GLP1R: variants seen among roughly 807,000 people sequenced by gnomAD.
The protein encoded by GLP1R is glucagon-like peptide 1 receptor.
Under a neutral mutation model 68.4 loss-of-function variants are expected in GLP1R, and 32 were observed. That is an observed-to-expected ratio of 0.47 (90% CI 0.35 to 0.63). GLP1R has a LOEUF of 0.63. GLP1R is among the 20% of genes least tolerant of loss of function. The pLI, the probability that GLP1R is intolerant of heterozygous loss-of-function variation, is 0.00. For missense variants in GLP1R, 502 were observed against 594.9 expected, an observed-to-expected ratio of 0.84 and a Z score of 1.62; for synonymous variants, 263 against 244.4, an observed-to-expected ratio of 1.08 and a Z score of -0.71.
At chr6:39,083,043 G>A (rs1345359570) in intron 12 of GLP1R, among the ~76,000 whole-genome samples, 1 of 152,108 alleles carries the variant, frequency 6.6e-6, no homozygotes, top group African/African-American at 2.4e-5. Context: ...ACCACCTATG[G>A]CTGGCCCACC....
At chr6:39,070,301 C>A (rs1208890763) in intron 5 of GLP1R, among the ~76,000 whole-genome samples, 2 of 152,242 alleles carry the variant, frequency 1.3e-5, no homozygotes, top group Non-Finnish European at 2.9e-5. Context: ...TTGACACGAG[C>A]AGTCCTGTTT....
At chr6:39,073,894 C>T (rs1768742100) in intron 7 of GLP1R, 125 bp downstream of exon 7, 2 of 808,598 alleles carry the variant, frequency 2.5e-6, no homozygotes, top group Admixed American at 2.2e-5. Flanking sequence ...TAACCCTCTT[C>T]CTGGGCACAG....
At position 39,073,789 on chromosome 6, in the gene GLP1R, A is replaced by T. The variant is rs1256933271; in HGVS notation, c.823+20A>T. 3.1e-6 allele frequency: 5 copies of T among 1,610,680 alleles called. No homozygotes were observed. The highest frequency in any genetic ancestry group is 4.2e-6 in the Non-Finnish European group (5 of 1,177,816). On this transcript the variant is annotated intron_variant, in intron 7 of 12. Coordinates refer to ENST00000373256, the MANE Select transcript of GLP1R (RefSeq NM_002062.5). ...GCTGGGGTAAGAACCGCCATCACCC[A>T]CCCTGGACCTGTGGCACGGGGGTGG...
chr6:39,064,270 G>T (rs1474342860), intron 3 of GLP1R, among the ~76,000 whole-genome samples: 1 of 152,050 alleles, frequency 6.6e-6, no homozygotes, highest in Non-Finnish European at 1.5e-5. Flanking sequence ...CTCCCAGAGT[G>T]CTAGGATTAC....
chr6:39,078,691 A>C (rs982837541), intron 8 of GLP1R, among the ~76,000 whole-genome samples: 2 of 152,122 alleles, frequency 1.3e-5, no homozygotes, highest in African/African-American at 4.8e-5. Context: ...TACACACATG[A>C]CTGTGTTGGT....
chr6:39,056,936 T>C (rs1768227969), intron 2 of GLP1R, among the ~76,000 whole-genome samples: 1 of 152,164 alleles, frequency 6.6e-6, no homozygotes, highest in Admixed American at 6.5e-5. Flanking sequence ...GACTGAGGGC[T>C]CCACAAACAT....
At chr6:39,080,801 T>TCCCCATTGTACTACTCCAG in intron 12 of GLP1R, 62 bp downstream of exon 12, 1 of 1,028,696 alleles carries the variant, frequency 9.7e-7, no homozygotes, top group Middle Eastern at 2.3e-4. Context: ...CCGTCTGGAG[T>TCCCCATTGTACTACTCCAG]AGTACAATGG....
Position 39,079,643 on chromosome 6 carries a change from G to A in GLP1R, c.1123G>A (p.Ala375Thr), listed in dbSNP as rs527991362. 3.1e-6 allele frequency: 5 copies of A among 1,611,674 alleles called. No homozygotes were observed. The highest frequency in any genetic ancestry group is 1.1e-5 in the South Asian group (1 of 90,606). ...CTTTGCCTTTGTGATGGACGAGCAC[G>A]CCCGGGGGACCCTGCGCTTCATCAA... ...VIFAFVMDEH[A>T]RGTLRFIKLF... The change falls in exon 11 of 13, where the codon GCC (alanine) becomes ACC (threonine). Residue 375 changes from alanine (A) to threonine (T), a missense_variant. Ala to Thr is a moderately conservative substitution (Grantham distance 58). Coordinates refer to ENST00000373256, the MANE Select transcript of GLP1R (RefSeq NM_002062.5). This position sits in a 1 kb window ranked among gnomAD's most constrained non-coding sequence, Gnocchi z 4.5.
rs1202283850 is a variant in GLP1R, at chr6:39,090,481, T to C, written c.*4408T>C. 1.3e-5 allele frequency among the ~76,000 whole-genome samples: 2 copies of C among 152,164 alleles called. No homozygotes were observed. The highest frequency in any genetic ancestry group is 1.3e-4 in the Admixed American group (2 of 15,282). On this transcript the variant is annotated 3_prime_UTR_variant, in exon 13 of 13. Transcript: ENST00000373256. Reference sequence around the variant, plus strand: ...TCCTCCCCGACAGCTGCCTCAGGAATAGGTGACCCTGCTGGCCATACTGTG... The same window carrying C: ...TCCTCCCCGACAGCTGCCTCAGGAACAGGTGACCCTGCTGGCCATACTGTG...
intron 8 of GLP1R, 66 bp from the exon 9 acceptor site, chr6:39,078,891 C>A: frequency 7.2e-7 from 1 of 1,387,950 alleles, no homozygotes; most frequent in Non-Finnish European, 1.0e-6. Context: ...GCCTCTGTGC[C>A]TGCACCTGAG....
chr6:39,069,022 T>C (rs1314364234), intron 5 of GLP1R, among the ~76,000 whole-genome samples: 2 of 152,220 alleles, frequency 1.3e-5, no homozygotes, highest in African/African-American at 4.8e-5. Flanking sequence ...GATTATAAAT[T>C]TCATCTTTCA....
chr6:39,049,020 G>C lies in GLP1R; in HGVS notation c.78+102G>C, dbSNP rs1018108264. On this transcript the variant is annotated intron_variant, in intron 1 of 12. Transcript: ENST00000373256. The surrounding 1 kb of genome is among the most constrained non-coding windows in gnomAD (Gnocchi z 4.5). ...GGCCCCGGGACTTGAACGAAACTCC[G>C]AGACCGCTGGCGGGGGCATCCGAAA... is the stretch of plus-strand genomic sequence containing the variant. The C allele has an allele frequency of 1.9e-6, 1 of 515,160 alleles. No individual in the cohort carries two copies. 31.9% of individuals were successfully genotyped at this position (515,160 alleles called of 1,614,324 possible).
chr6:39,059,254 C>T (rs574036281), intron 3 of GLP1R, among the ~76,000 whole-genome samples: 11 of 152,382 alleles, frequency 7.2e-5, no homozygotes, highest in Middle Eastern at 3.4e-3. Flanking sequence ...TCTGATTACC[C>T]TCCCATTTTC....
chr6:39,063,076 G>A (rs903171394), intron 3 of GLP1R, among the ~76,000 whole-genome samples: 3 of 152,196 alleles, frequency 2.0e-5, no homozygotes, highest in Non-Finnish European at 4.4e-5. Flanking sequence ...TGGGTATGCG[G>A]GTCTTTAGAT....
chr6:39,048,977 C>T, intron 1 of GLP1R, 59 bp downstream of exon 1: 1 of 688,910 alleles, frequency 1.5e-6, no homozygotes. Context: ...GGGCTGCAGG[C>T]GCAGTGTCCT....
At chr6:39,060,752 G>A (rs1037567063) in intron 3 of GLP1R, among the ~76,000 whole-genome samples, 9 of 152,252 alleles carry the variant, frequency 5.9e-5, no homozygotes, top group Non-Finnish European at 1.2e-4. Flanking sequence ...GAATGGAGCA[G>A]AGGAGTGGTG....
At position 39,066,208 on chromosome 6, in the gene GLP1R, G is replaced by A. The variant is rs1440840142; in HGVS notation, c.414G>A (p.Glu138=). The A allele has an allele frequency of 3.7e-6, 6 of 1,600,116 alleles. No homozygotes were observed. The highest frequency in any genetic ancestry group is 1.3e-5 in the African/African-American group (1 of 74,686). The stretch of plus-strand genomic sequence containing the variant: ...CCCGTGTGCCACAGAGCTCCCCGGA[G>A]GAGCAGCTCCTGTTCCTCTACATCA... ...ESKRGERSSP[E]EQLLFLYIIY... The change falls in exon 5 of 13, where the codon GAG becomes GAA. Residue 138 remains glutamate, a synonymous_variant. Coordinates refer to ENST00000373256, the MANE Select transcript of GLP1R (RefSeq NM_002062.5).
At chr6:39,084,184 A>G (rs1451859255) in intron 12 of GLP1R, among the ~76,000 whole-genome samples, 3 of 152,050 alleles carry the variant, frequency 2.0e-5, no homozygotes, top group Non-Finnish European at 4.4e-5. Context: ...TGAGGAAATA[A>G]ACACTCTGCA....
chr6:39,054,185 G>A lies in GLP1R; in HGVS notation c.79-2212G>A, dbSNP rs914141468. On this transcript the variant is annotated intron_variant, in intron 1 of 12. Coordinates refer to ENST00000373256, the MANE Select transcript of GLP1R (RefSeq NM_002062.5). ...CTTGTCCTGTAAAGCATTGACCCCCGAGTAGCCTGAAGACTCTCTCAGGCA... is the reference window on the plus strand; with the variant it reads ...CTTGTCCTGTAAAGCATTGACCCCCAAGTAGCCTGAAGACTCTCTCAGGCA... Among the ~76,000 whole-genome samples the A allele has an allele frequency of 3.9e-5, 6 of 152,012 alleles. No individual in the cohort carries two copies. The South Asian group carries it at 6.2e-4, about 16-fold the overall frequency.
Sources: allele counts gnomAD v4.1 joint callset (sites outside exome capture counted in the v4.1 genomes callset), GRCh38; gene constraint gnomAD v4.1.1; non-coding constraint Gnocchi (gnomAD v3.1); transcripts MANE v1.5; gene names NCBI Gene and HGNC (gene_info 2026-07-23, HGNC 2026-07-21).